The following DNTTIP2 variants were observed in gnomAD, a reference collection of about 807,000 sequenced individuals.
DNTTIP2 encodes the protein deoxynucleotidyltransferase terminal-interacting protein 2.
In DNTTIP2, 47 loss-of-function variants were observed where a neutral mutation model predicts 62.4. That is an observed-to-expected ratio of 0.75 (90% CI 0.60 to 0.96). The LOEUF is 0.96. Among genes scored for constraint, DNTTIP2 ranks in the 40% least tolerant of loss-of-function variants. The probability of loss-of-function intolerance (pLI) is 0.00; values close to 1 mark genes in which losing one functional copy is unlikely to be tolerated. For synonymous variants in DNTTIP2, 322 were observed against 300.9 expected (o/e 1.07, Z -0.73); for missense variants, 870 against 849.1 (o/e 1.02, Z -0.31).
rs993475209 is a variant in DNTTIP2, at chr1:93,868,997, A to C, written c.*854T>G. 3.9e-5 allele frequency: 6 copies of C among 152,204 alleles called. No individual in the cohort carries two copies. The highest frequency in any genetic ancestry group is 2.4e-5 in the African/African-American group (1 of 41,524). 9.4% of individuals were successfully genotyped at this position (152,204 alleles called of 1,614,324 possible). A position where few individuals can be genotyped will look rare whatever the true frequency, so the allele number is the denominator to read the frequency against. On this transcript the variant is annotated 3_prime_UTR_variant, in exon 7 of 7. Transcript: ENST00000436063. The stretch of plus-strand genomic sequence containing the variant: ...ACCCCAAAACTATTATTAAAAAAAA[A>C]AAAGATTTCATATTTGCTGATATCT...
At position 93,869,944 on chromosome 1, in the gene DNTTIP2, T is replaced by C. The variant is rs755015336; in HGVS notation, c.2178A>G (p.Arg726=). Residue 726 remains arginine, a splice_region_variant and synonymous_variant, in exon 7 of 7, where the codon AGA becomes AGG. Transcript: ENST00000436063. The part of the protein sequence containing the change: ...EELLADSEFR[R]YNRRKYSEIM... ...TCTCTGAGTACTTCCTTCGGTTGTA[T>C]CTGAAAAAGAAAAATCAGAACTTTA... 3 of 777,098 alleles carry C rather than the reference T, an allele frequency of 3.9e-6. No homozygotes were observed. Among genetic ancestry groups the C allele is most frequent in the Non-Finnish European group, 7.2e-6 (3 of 416,654 alleles). 48.1% of individuals were successfully genotyped at this position (777,098 alleles called of 1,614,324 possible). A position where few individuals can be genotyped will look rare whatever the true frequency, so the allele number is the denominator to read the frequency against.
chr1:93,877,557 C>T lies in DNTTIP2; in HGVS notation c.378G>A (p.Pro126=), dbSNP rs1182583888. Residue 126 remains proline, a synonymous_variant, in exon 2 of 7, where the codon CCG becomes CCA. Transcript: ENST00000436063. The part of the protein sequence containing the change: ...CSPVSSVRKK[P]KVTPTKESYT... The stretch of plus-strand genomic sequence containing the variant: ...AAGACTCCTTTGTTGGAGTTACTTT[C>T]GGCTTTTTCCTAACACTGGACACTG... The T allele has an allele frequency of 1.9e-6, 3 of 1,613,988 alleles. No homozygotes were observed. The highest frequency in any genetic ancestry group is 1.1e-5 in the South Asian group (1 of 91,082).
Position 93,875,726 on chromosome 1 carries a change from A to G in DNTTIP2, c.1725T>C (p.Gly575=). 6.2e-7 allele frequency: 1 copy of G among 1,613,388 alleles called. No individual in the cohort carries two copies. Among genetic ancestry groups the G allele is most frequent in the East Asian group, 2.2e-5 (1 of 44,834 alleles). Residue 575 remains glycine, a synonymous_variant, in exon 3 of 7, where the codon GGT becomes GGC. Coordinates refer to ENST00000436063, the MANE Select transcript of DNTTIP2 (RefSeq NM_014597.5). ...DPGLSIKQLG[G]LYINFNADKL... is the part of the protein sequence containing the mutation. ...TATCTGCATTAAAATTAATATACAA[A>G]CCACCCAACTGCTTGATACTCAGAC...
Position 93,877,303 on chromosome 1 carries a change from TTTAA to T in DNTTIP2, c.628_631del (p.Leu210ArgfsTer24), listed in dbSNP as rs1557719660. ...ACTATCTTTCTTTTCAGTTTGTGCCTTTAATTTCCTCTGCATACTCCTGGTTCTT... is the reference window on the plus strand; with the variant it reads ...ACTATCTTTCTTTTCAGTTTGTGCCTTTTCCTCTGCATACTCCTGGTTCTT... On this transcript the variant is annotated frameshift_variant, in exon 2 of 7. Transcript: ENST00000436063. LOFTEE classifies it high-confidence loss of function. 5.0e-6 allele frequency: 8 copies of T among 1,613,552 alleles called. No individual in the cohort carries two copies. The highest frequency in any genetic ancestry group is 3.3e-4 in the Middle Eastern group (2 of 6,062).
rs1338854353 is a variant in DNTTIP2 at position 93,877,807 on chromosome 1, G to C, written c.128C>G (p.Ala43Gly). ...AHPESSTGSD[A>G]RTTAESQTTG... ...GGTCTGTGATTCAGCAGTAGTTCGG[G>C]CATCAGATCCAGTACTACTTTCTGG... Residue 43 changes from alanine to glycine, a missense_variant, in exon 2 of 7, where the codon GCC (alanine) becomes GGC (glycine). Coordinates refer to ENST00000436063, the MANE Select transcript of DNTTIP2 (RefSeq NM_014597.5). 2 of 1,606,780 alleles carry C rather than the reference G, an allele frequency of 1.2e-6. No homozygotes were observed. Among genetic ancestry groups the C allele is most frequent in the Non-Finnish European group, 1.7e-6 (2 of 1,179,850 alleles).
chr1:93,876,777 A>G lies in DNTTIP2; in HGVS notation c.1158T>C (p.Ser386=). 6.2e-7 allele frequency: 1 copy of G among 1,613,956 alleles called. No homozygotes were observed. Among genetic ancestry groups the G allele is most frequent in the Admixed American group, 1.7e-5 (1 of 60,022 alleles). Residue 386 remains serine, a synonymous_variant, in exon 2 of 7, where the codon AGT becomes AGC. Coordinates refer to ENST00000436063, the MANE Select transcript of DNTTIP2 (RefSeq NM_014597.5). ...CACAATCACCAAACTTTGTCAAGTC[A>G]CTTGCTTTTATGGGGCTCTTTTTGT... is the stretch of plus-strand genomic sequence containing the variant. ...NNNKKSPIKA[S]DLTKFGDCGG...
chr1:93,874,074 T>A (rs544685434), intron 3 of DNTTIP2, among the ~76,000 whole-genome samples: 1 of 152,242 alleles, frequency 6.6e-6, no homozygotes, highest in East Asian at 1.9e-4. Context: ...GTGGTATAGG[T>A]AGCCGTCTAG....
rs1655789337 is a variant in DNTTIP2, at chr1:93,869,002, A to C, written c.*849T>G. ...AAAACTATTATTAAAAAAAAAAAAG[A>C]TTTCATATTTGCTGATATCTCAAGG... On this transcript the variant is annotated 3_prime_UTR_variant, in exon 7 of 7. Transcript: ENST00000436063. 6.6e-6 allele frequency: 1 copy of C among 151,978 alleles called. No individual in the cohort carries two copies. The highest frequency in any genetic ancestry group is 2.1e-4 in the South Asian group (1 of 4,820). The allele number at this position is 151,978 out of a possible 1,614,324, so 9.4% of individuals were successfully genotyped here.
chr1:93,867,104 T>C lies in DNTTIP2; in HGVS notation c.*2747A>G, dbSNP rs1176955191. 1 of 127,672 alleles carries C rather than the reference T, an allele frequency of 7.8e-6. No homozygotes were observed. 7.9% of individuals were successfully genotyped at this position (127,672 alleles called of 1,614,324 possible). A position where few individuals can be genotyped will look rare whatever the true frequency, so the allele number is the denominator to read the frequency against. On this transcript the variant is annotated 3_prime_UTR_variant, in exon 7 of 7. Coordinates refer to ENST00000436063, the MANE Select transcript of DNTTIP2 (RefSeq NM_014597.5). ...TTGCAGTGAACCAAGATCATGCCAC[T>C]ACACTCCAGCCTGGGCGACAGAGCG...
In DNTTIP2 at chr1:93,869,901, C is replaced by G. The variant is rs1213140112; in HGVS notation, c.2221G>C (p.Ala741Pro). The change falls in exon 7 of 7, where the codon GCA (alanine) becomes CCA (proline). Residue 741 changes from alanine to proline, a missense_variant. Ala to Pro is a conservative substitution (Grantham distance 27, BLOSUM62 -1). Transcript: ENST00000436063. ...KYSEIMAEKAANAAGKKFRKK... is the reference protein window; with the variant it reads ...KYSEIMAEKAPNAAGKKFRKK... Reference sequence around the variant, plus strand: ...CGGAACTTTTTTCCTGCTGCATTTGCTGCTTTTTCAGCCATGATCTCTGAG... The same window carrying G: ...CGGAACTTTTTTCCTGCTGCATTTGGTGCTTTTTCAGCCATGATCTCTGAG... 4 of 779,974 alleles carry G rather than the reference C, an allele frequency of 5.1e-6. No individual in the cohort carries two copies. Among genetic ancestry groups the G allele is most frequent in the Non-Finnish European group, 9.6e-6 (4 of 417,632 alleles). 48.3% of individuals were successfully genotyped at this position (779,974 alleles called of 1,614,324 possible).
At chr1:93,875,165 T>C (rs890185589) in intron 3 of DNTTIP2, among the ~76,000 whole-genome samples, 4 of 152,134 alleles carry the variant, frequency 2.6e-5, no homozygotes, top group African/African-American at 7.2e-5. Context: ...GGCTAGAAAA[T>C]ATAGATTTAG....
intron 5 of DNTTIP2, 122 bp from the exon 6 acceptor site, chr1:93,870,914 T>C (rs1199563782): frequency 4.4e-6 from 2 of 456,590 alleles, no homozygotes; most frequent in Non-Finnish European, 7.6e-6. Context: ...ACACTAATAG[T>C]AATGTAAATT....
chr1:93,875,513 T>C (rs1308269362), intron 3 of DNTTIP2, 132 bp downstream of exon 3: 3 of 835,926 alleles, frequency 3.6e-6, no homozygotes, highest in African/African-American at 3.5e-5. Flanking sequence ...ATGACTGTTT[T>C]AGAGAGAAGG....
At chr1:93,879,046 G>A in intron 1 of DNTTIP2, 31 bp downstream of exon 1, 1 of 1,611,728 alleles carries the variant, frequency 6.2e-7, no homozygotes, top group Non-Finnish European at 8.5e-7. Context: ...TCTGCGAAGC[G>A]GCGAGAAGTA....
In DNTTIP2 at chr1:93,875,666, G is replaced by T; in HGVS notation, c.1785C>A (p.Ile595=). The T allele has an allele frequency of 6.2e-7, 1 of 1,607,434 alleles. No homozygotes were observed. Among genetic ancestry groups the T allele is most frequent in the Non-Finnish European group, 8.5e-7 (1 of 1,178,194 alleles). Reference sequence around the variant, plus strand: ...TTACCTCATTTTTCTTTTTCTCCTTGATCTGTGTTAGGGTTCTCTTGTTAG... The same window carrying T: ...TTACCTCATTTTTCTTTTTCTCCTTTATCTGTGTTAGGGTTCTCTTGTTAG... ...LQSNKRTLTQ[I]KEKKKNELLQ... The change falls in exon 3 of 7, where the codon ATC becomes ATA. Residue 595 remains isoleucine, a synonymous_variant. Coordinates refer to ENST00000436063, the MANE Select transcript of DNTTIP2 (RefSeq NM_014597.5).
Position 93,879,137 on chromosome 1 carries a change from G to A in DNTTIP2, c.12C>T (p.Thr4=). MVV[T]RSARAKASIQ... is the part of the protein sequence containing the mutation. ...TGCTGGCCTTAGCCCGTGCAGATCT[G>A]GTAACCACCATCTTTCCGGCTCCCT... Residue 4 remains threonine (T), a synonymous_variant, in exon 1 of 7, where the codon ACC becomes ACT. Coordinates refer to ENST00000436063, the MANE Select transcript of DNTTIP2 (RefSeq NM_014597.5). 1 of 1,613,032 alleles carries A rather than the reference G, an allele frequency of 6.2e-7. No homozygotes were observed. The highest frequency in any genetic ancestry group is 1.6e-4 in the Middle Eastern group (1 of 6,062).
At chr1:93,872,997 A>T (rs191982998) in intron 4 of DNTTIP2, 122 bp downstream of exon 4, 72 of 615,920 alleles carry the variant, frequency 1.2e-4, no homozygotes, top group African/African-American at 1.1e-3. Context: ...GAAATCTGTA[A>T]TTATTTTCTT....
Position 93,872,113 on chromosome 1 carries a change from A to G in DNTTIP2, c.2026T>C (p.Tyr676His). 1 of 1,613,770 alleles carries G rather than the reference A, an allele frequency of 6.2e-7. No homozygotes were observed. Among genetic ancestry groups the G allele is most frequent in the South Asian group, 1.1e-5 (1 of 91,074 alleles). Reference sequence around the variant, plus strand: ...AAGCCATCTCTATCATTTTTCTTGTAAAATCTTTTCGGGTCCATGCTGGCT... The same window carrying G: ...AAGCCATCTCTATCATTTTTCTTGTGAAATCTTTTCGGGTCCATGCTGGCT... ...MRASMDPKRFYKKNDRDGFPK... is the reference protein window; with the variant it reads ...MRASMDPKRFHKKNDRDGFPK... Residue 676 changes from tyrosine (Y) to histidine (H), a missense_variant, in exon 5 of 7, where the codon TAC becomes CAC. Tyr to His is a moderately conservative substitution (Grantham distance 83, BLOSUM62 2). Transcript: ENST00000436063.
rs1157834786 is a variant in DNTTIP2, at chr1:93,868,825, G to C, written c.*1026C>G. The C allele has an allele frequency of 1.3e-5, 2 of 152,086 alleles. No individual in the cohort carries two copies. The highest frequency in any genetic ancestry group is 2.9e-5 in the Non-Finnish European group (2 of 68,040). The allele number at this position is 152,086 out of a possible 1,614,324, so 9.4% of individuals were successfully genotyped here. On this transcript the variant is annotated 3_prime_UTR_variant, in exon 7 of 7. Transcript: ENST00000436063. ...AATGAGAACACATGGACACAGGGAG[G>C]GGAACATCACACACTGGGGCCTGTT...
Sources: gnomAD v4.1 joint callset for allele counts (sites outside exome capture counted in the v4.1 genomes callset) on GRCh38, gnomAD v4.1.1 for gene constraint, MANE v1.5 for transcripts, NCBI Gene and HGNC (gene_info 2026-07-23, HGNC 2026-07-21) for gene names.